Variants in SPTB observed in about 807,000 individuals in gnomAD.
SPTB encodes the protein spectrin beta, erythrocytic, also known as spectrin beta chain, erythrocytic.
In SPTB, 45 loss-of-function variants were observed where a neutral mutation model predicts 256.2. The observed-to-expected ratio is 0.18, with a 90% CI of 0.14 to 0.23. The LOEUF (loss-of-function observed/expected upper bound fraction) is 0.23, where lower values mean the gene tolerates loss of function less well. SPTB is among the 10% of genes least tolerant of loss of function. The pLI is 1.00. For missense variants in SPTB, 2,715 were observed against 3,040.4 expected (o/e 0.89, Z 2.52); for synonymous variants, 1,231 against 1,243.1 (o/e 0.99, Z 0.21).
chr14:64,846,715 T>TC (rs2083699396), intron 1 of SPTB, among the ~76,000 whole-genome samples: 2 of 152,252 alleles, frequency 1.3e-5, no homozygotes, highest in African/African-American at 4.8e-5. Flanking sequence ...CTGAGTATAT[T>TC]CAGGTACTGT....
intron 24 of SPTB, among the ~76,000 whole-genome samples, chr14:64,774,062 T>C (rs2082318908): frequency 6.6e-6 from 1 of 152,166 alleles, no homozygotes. Flanking sequence ...TTCTGGACCA[T>C]AAAAATAAAA....
rs145300853 is a variant in SPTB at position 64,817,212 on chromosome 14, ATC to A, written c.148+5733_148+5734del. ...CCACACAGTGCAGGGGCATGCTGAC[ATC>A]TCTTGCAGGTTTATCTGCACAGGTA... On this transcript the variant is annotated intron_variant, in intron 2 of 35. Transcript: ENST00000644917. Among the ~76,000 whole-genome samples the A allele has an allele frequency of 7.6e-3, 1,155 of 152,220 alleles. 18 individuals are homozygous for A. The highest frequency in any genetic ancestry group is 0.026 in the African/African-American group (1,097 of 41,510).
chr14:64,783,677 C>T (rs2082512822), intron 19 of SPTB, among the ~76,000 whole-genome samples: 1 of 152,160 alleles, frequency 6.6e-6, no homozygotes, highest in Non-Finnish European at 1.5e-5. Context: ...GATCCTAGGG[C>T]TGCTTTTTCA....
chr14:64,774,258 G>T, intron 24 of SPTB, 139 bp downstream of exon 24: 2 of 1,194,124 alleles, frequency 1.7e-6, no homozygotes, highest in South Asian at 1.6e-5. Flanking sequence ...TCCATCACCA[G>T]TCCCGCAGCA....
chr14:64,819,817 G>A (rs1486994263), intron 2 of SPTB, among the ~76,000 whole-genome samples: 2 of 152,304 alleles, frequency 1.3e-5, no homozygotes, highest in East Asian at 1.9e-4. Context: ...AGAAAACACC[G>A]ATGGGAAATT....
rs570643943 is a variant in SPTB at position 64,766,720 on chromosome 14, A to G, written c.6345+6T>C. On this transcript the variant is annotated splice_donor_region_variant and intron_variant, in intron 32 of 35. Transcript: ENST00000644917. The stretch of plus-strand genomic sequence containing the variant: ...AGGAACTAGACAAACGAGACCAGAG[A>G]CTGACCGGGGACGTTCTCTCGGTGG... 6.2e-7 allele frequency: 1 copy of G among 1,613,152 alleles called. No homozygotes were observed. Among genetic ancestry groups the G allele is most frequent in the South Asian group, 1.1e-5 (1 of 91,050 alleles).
chr14:64,769,397 C>T (rs531904717), intron 28 of SPTB, among the ~76,000 whole-genome samples, 193 bp downstream of exon 28: 1 of 152,306 alleles, frequency 6.6e-6, no homozygotes, highest in African/African-American at 2.4e-5. Flanking sequence ...GAGTGGCCAG[C>T]TCCTTAAGGC....
At chr14:64,811,020 G>C (rs1229120607) in intron 2 of SPTB, among the ~76,000 whole-genome samples, 1 of 152,028 alleles carries the variant, frequency 6.6e-6, no homozygotes, top group Non-Finnish European at 1.5e-5. Context: ...GGAGGCTGAG[G>C]TAGGAGGATC....
chr14:64,761,822 GAGAGTT>G (rs542882890), intron 32 of SPTB, among the ~76,000 whole-genome samples: 96 of 152,212 alleles, frequency 6.3e-4, no homozygotes, highest in African/African-American at 2.2e-3. Flanking sequence ...AAAGATTAGA[GAGAGTT>G]AGAAGACACT....
At chr14:64,800,704 G>A in intron 8 of SPTB, 52 bp downstream of exon 8, 1 of 1,506,446 alleles carries the variant, frequency 6.6e-7, no homozygotes, top group Admixed American at 1.7e-5. Context: ...CACTCTGTCT[G>A]GACCTGACAA....
chr14:64,855,576 G>A (rs2083860277), intron 1 of SPTB, among the ~76,000 whole-genome samples: 1 of 148,316 alleles, frequency 6.7e-6, no homozygotes, highest in South Asian at 2.2e-4. Context: ...CTAGGCTCAA[G>A]CAAACCTCCC....
chr14:64,813,575 G>T (rs1007458052), intron 2 of SPTB, among the ~76,000 whole-genome samples: 1 of 152,230 alleles, frequency 6.6e-6, no homozygotes, highest in Non-Finnish European at 1.5e-5. Flanking sequence ...AGACCGGAGT[G>T]CAGTGGTGCG....
Position 64,785,754 on chromosome 14 carries a change from C to T in SPTB, c.3759G>A (p.Glu1253=). Residue 1253 remains glutamate, a synonymous_variant, in exon 17 of 36, where the codon GAG becomes GAA. Transcript: ENST00000644917. This position sits in a 1 kb window ranked among gnomAD's most constrained non-coding sequence, Gnocchi z 4.4. ...DKIKEKVQLI[E]DRHRKNNEKA... Reference sequence around the variant, plus strand: ...GCCCTGGGGCCCGGGAGTACCTGTCCTCAATCAGCTGCACCTTCTCCTTGA... The same window carrying T: ...GCCCTGGGGCCCGGGAGTACCTGTCTTCAATCAGCTGCACCTTCTCCTTGA... 1 of 1,614,104 alleles carries T rather than the reference C, an allele frequency of 6.2e-7. No individual in the cohort carries two copies. The highest frequency in any genetic ancestry group is 8.5e-7 in the Non-Finnish European group (1 of 1,180,022).
chr14:64,769,820 T>C, intron 27 of SPTB, 92 bp from the exon 28 acceptor site: 2 of 1,556,514 alleles, frequency 1.3e-6, no homozygotes, highest in South Asian at 2.2e-5. Flanking sequence ...TCCCCCTGCC[T>C]GTGGGAGTGT....
chr14:64,780,828 T>G (rs2082456579), intron 20 of SPTB, among the ~76,000 whole-genome samples: 1 of 152,188 alleles, frequency 6.6e-6, no homozygotes, highest in South Asian at 2.1e-4. Context: ...CAGATTATAC[T>G]ACAAGGCTAC....
At chr14:64,830,866 G>A (rs997992531) in intron 1 of SPTB, among the ~76,000 whole-genome samples, 1 of 152,118 alleles carries the variant, frequency 6.6e-6, no homozygotes, top group Non-Finnish European at 1.5e-5. Flanking sequence ...CCCCACCATG[G>A]TGTCATGTGC....
intron 32 of SPTB, chr14:64,763,609 CAGGGGATTAGGTGGTTT>C: frequency 4.6e-6 from 2 of 435,108 alleles, no homozygotes; most frequent in Admixed American, 5.0e-5. Context: ...CGCGGAGACT[CAGGGGATTAGGTGGTTT>C]TTATCTCAAA....
intron 2 of SPTB, among the ~76,000 whole-genome samples, chr14:64,812,473 T>C (rs1378217325): frequency 6.6e-6 from 1 of 152,164 alleles, no homozygotes; most frequent in African/African-American, 2.4e-5. Context: ...CAAGGAACGC[T>C]CTACCTCCTC....
intron 29 of SPTB, among the ~76,000 whole-genome samples, chr14:64,768,548 C>T (rs956323448): frequency 2.0e-5 from 3 of 152,086 alleles, no homozygotes; most frequent in Admixed American, 6.5e-5. Context: ...GGCTTTTCCC[C>T]ACCTCTCATC....
Sources: gnomAD v4.1 joint callset for allele counts (sites outside exome capture counted in the v4.1 genomes callset) on GRCh38, gnomAD v4.1.1 for gene constraint, Gnocchi (gnomAD v3.1) non-coding constraint, MANE v1.5 for transcripts, NCBI Gene and HGNC (gene_info 2026-07-23, HGNC 2026-07-21) for gene names.